H3C4: variants seen among roughly 807,000 people sequenced by gnomAD.
The protein encoded by H3C4 is H3 clustered histone 4.
A neutral mutation model predicts 8.7 loss-of-function variants in H3C4; 10 were observed. The observed-to-expected ratio is 1.15, with a 90% CI of 0.71 to 1.96. The LOEUF (loss-of-function observed/expected upper bound fraction) is 1.96, where lower values mean the gene tolerates loss of function less well. H3C4 is among the 30% of genes most tolerant of loss of function. The pLI is 0.00. For synonymous variants in H3C4, 141 were observed against 80.1 expected (o/e 1.76, Z -4.06); for missense variants, 216 against 192.9 (o/e 1.12, Z -0.71).
At chr6:26,199,064 G>A (rs753906893), upstream of H3C4, 13 of 1,614,212 alleles carry the variant, frequency 8.1e-6, no homozygotes, top group South Asian at 4.4e-5. Context: ...GGATCTCGGC[G>A]GTCAGGTACT....
upstream of H3C4, chr6:26,199,116 C>T (rs201200903): frequency 3.1e-6 from 5 of 1,614,060 alleles, no homozygotes; most frequent in Non-Finnish European, 8.5e-7. Flanking sequence ...GGCCCCGACT[C>T]GCTCGGAGTA....
At chr6:26,198,085 A>G (rs1765023329), upstream of H3C4, among the ~76,000 whole-genome samples, 2 of 152,138 alleles carry the variant, frequency 1.3e-5, no homozygotes, top group African/African-American at 4.8e-5. Context: ...CCCAAAAAAT[A>G]CTTACAAATT....
upstream of H3C4, among the ~76,000 whole-genome samples, chr6:26,197,599 C>G (rs1331948862): frequency 1.3e-5 from 2 of 151,950 alleles, no homozygotes; most frequent in African/African-American, 2.4e-5. Context: ...TGGCTTTGAT[C>G]AACGTTTTAA....
chr6:26,198,940 T>C, upstream of H3C4: 2 of 1,614,248 alleles, frequency 1.2e-6, no homozygotes, highest in Non-Finnish European at 1.7e-6. Flanking sequence ...TGAGCAATTG[T>C]GACTTTACCC....
chr6:26,197,095 G>T lies in H3C4; in HGVS notation c.156C>A (p.Ile52=). The change falls in exon 1 of 1, where the codon ATC becomes ATA. Residue 52 remains isoleucine, a synonymous_variant. Transcript: ENST00000356476. The stretch of plus-strand genomic sequence containing the variant: ...GCTCGGTCGACTTCTGGTAGCGGCG[G>T]ATCTCGCGCAGAGCCACCGTGCCGG... ...YRPGTVALRE[I]RRYQKSTELL... is the part of the protein sequence containing the mutation. 1 of 1,614,220 alleles carries T rather than the reference G, an allele frequency of 6.2e-7. No individual in the cohort carries two copies. Among genetic ancestry groups the T allele is most frequent in the Non-Finnish European group, 8.5e-7 (1 of 1,180,038 alleles).
rs1581448218 is a variant in H3C4 at position 26,196,791 on chromosome 6, C to T, written c.*49G>A. On this transcript the variant is annotated 3_prime_UTR_variant, in exon 1 of 1. Coordinates refer to ENST00000356476, the MANE Select transcript of H3C4 (RefSeq NM_001376937.1). ...CAACTTTTATAGAAAAGGTGGTTGG[C>T]TCTGAAAAGAGCCTTTGGGTTTTGG... 4 of 1,602,948 alleles carry T rather than the reference C, an allele frequency of 2.5e-6. No homozygotes were observed. Among genetic ancestry groups the T allele is most frequent in the East Asian group, 2.2e-5 (1 of 44,824 alleles).
At chr6:26,198,500 T>C (rs116103809), upstream of H3C4, among the ~76,000 whole-genome samples, 1 of 152,056 alleles carries the variant, frequency 6.6e-6, no homozygotes, top group Non-Finnish European at 1.5e-5. Flanking sequence ...CCCGACAAAT[T>C]TTTTTATTTT....
upstream of H3C4, among the ~76,000 whole-genome samples, chr6:26,197,921 CAA>C (rs1765019202): frequency 7.2e-6 from 1 of 139,644 alleles, no homozygotes; most frequent in Non-Finnish European, 1.6e-5. Context: ...ATAAATGGCA[CAA>C]AAAGACCAGT....
At chr6:26,198,870 T>G (rs765273519), upstream of H3C4, 2 of 1,614,052 alleles carry the variant, frequency 1.2e-6, no homozygotes, top group Admixed American at 3.3e-5. Context: ...CTTGGCCTTG[T>G]GGTGACTCTC....
In H3C4 at chr6:26,196,831, C is replaced by T. The variant is rs748656985; in HGVS notation, c.*9G>A. 46 of 1,614,026 alleles carry T rather than the reference C, an allele frequency of 2.9e-5. No homozygotes were observed. The highest frequency in any genetic ancestry group is 3.6e-5 in the Non-Finnish European group (43 of 1,180,000). On this transcript the variant is annotated 3_prime_UTR_variant, in exon 1 of 1. Coordinates refer to ENST00000356476, the MANE Select transcript of H3C4 (RefSeq NM_001376937.1). ...TTGGGTTTTGGTTAGCACACATTCA[C>T]AAGACAATTTACGCCCTCTCCCCAC...
chr6:26,198,435 T>C (rs1234047553), upstream of H3C4, among the ~76,000 whole-genome samples: 1 of 152,150 alleles, frequency 6.6e-6, no homozygotes, highest in Non-Finnish European at 1.5e-5. Context: ...GGGTTCAACA[T>C]TTTCTCCTGC....
Position 26,197,126 on chromosome 6 carries a change from T to C in H3C4, c.125A>G (p.Tyr42Cys). The C allele has an allele frequency of 6.2e-7, 1 of 1,614,182 alleles. No homozygotes were observed. Among genetic ancestry groups the C allele is most frequent in the Non-Finnish European group, 8.5e-7 (1 of 1,180,016 alleles). The change falls in exon 1 of 1, where the codon TAC (tyrosine) becomes TGC (cysteine). Residue 42 changes from tyrosine (Y) to cysteine (C), a missense_variant. Tyr to Cys is a radical substitution (Grantham distance 194, BLOSUM62 -2). Coordinates refer to ENST00000356476, the MANE Select transcript of H3C4 (RefSeq NM_001376937.1). ...ATGGVKKPHR[Y>C]RPGTVALREI... ...GCGCAGAGCCACCGTGCCGGGCCGG[T>C]AACGGTGGGGCTTCTTCACGCCGCC...
At chr6:26,197,350 C>A, upstream of H3C4, 2 of 1,283,736 alleles carry the variant, frequency 1.6e-6, no homozygotes, top group Non-Finnish European at 2.2e-6. Context: ...ACAAGGCAGC[C>A]TTTCCCCTGC....
chr6:26,198,492 C>A (rs1413309251), upstream of H3C4, among the ~76,000 whole-genome samples: 1 of 152,064 alleles, frequency 6.6e-6, no homozygotes, highest in East Asian at 1.9e-4. Flanking sequence ...CCACCACGCC[C>A]GACAAATTTT....
At chr6:26,199,197 T>C, upstream of H3C4, 8 of 1,613,662 alleles carry the variant, frequency 5.0e-6, no homozygotes, top group Non-Finnish European at 6.8e-6. Flanking sequence ...AGAGCGGGTC[T>C]TAGCCTTAGC....
At chr6:26,199,202 C>T (rs1323153739), upstream of H3C4, 7 of 1,612,716 alleles carry the variant, frequency 4.3e-6, no homozygotes, top group South Asian at 2.2e-5. Context: ...GGGTCTTAGC[C>T]TTAGCTCGGG....
chr6:26,196,863 G>C lies in H3C4; in HGVS notation c.388C>G (p.Arg130Gly). ...IMPKDIQLAR[R>G]IRGERA ...ATTTACGCCCTCTCCCCACGAATGC[G>C]GCGAGCAAGCTGGATGTCCTTGGGC... Residue 130 changes from arginine to glycine, a missense_variant, in exon 1 of 1, where the codon CGC (arginine) becomes GGC (glycine). Arg to Gly is a moderately radical substitution (Grantham distance 125). Transcript: ENST00000356476. The C allele has an allele frequency of 1.9e-6, 3 of 1,614,196 alleles. No individual in the cohort carries two copies. In the Middle Eastern group the frequency reaches 4.9e-4, roughly 266 times the overall value.
upstream of H3C4, chr6:26,197,366 G>C: frequency 9.8e-7 from 1 of 1,025,576 alleles, no homozygotes; most frequent in Admixed American, 2.6e-5. Flanking sequence ...CCTGCAGCTC[G>C]ATTGGTGGAG....
chr6:26,199,148 G>A (rs745708378), upstream of H3C4: 38 of 1,614,088 alleles, frequency 2.4e-5, no homozygotes, highest in African/African-American at 2.9e-4. Context: ...GGAGCAAGCG[G>A]TGTACGCGGC....
Sources: allele counts gnomAD v4.1 joint callset (sites outside exome capture counted in the v4.1 genomes callset), GRCh38; gene constraint gnomAD v4.1.1; transcripts MANE v1.5; gene names NCBI Gene and HGNC (gene_info 2026-07-23, HGNC 2026-07-21).